Variants in TUBB8B observed in about 807,000 individuals in gnomAD.
TUBB8B encodes HSA18p11 beta-tubulin 4Q pseudogene.
Under a neutral mutation model 31.9 loss-of-function variants are expected in TUBB8B, and 26 were observed. That is an observed-to-expected ratio of 0.81 (90% CI 0.60 to 1.13). The LOEUF is 1.13. Ranked by LOEUF, TUBB8B falls within the 50% of genes most tolerant of loss-of-function variation. The pLI is 0.00. For missense variants in TUBB8B, 467 were observed against 586.7 expected, an observed-to-expected ratio of 0.80 and a Z score of 2.11; for synonymous variants, 173 against 231.0, an observed-to-expected ratio of 0.75 and a Z score of 2.28.
intron 3 of TUBB8B, 123 bp from the exon 4 acceptor site, chr18:48,570 A>C (rs1461498855): frequency 2.5e-6 from 2 of 785,416 alleles, no homozygotes; most frequent in Admixed American, 4.0e-5. Flanking sequence ...CTGCAGGTGG[A>C]GCAAATGAAA....
At chr18:58,743 C>T in the TUBB8B span, among the ~76,000 whole-genome samples, 1 of 151,702 alleles carries the variant, frequency 6.6e-6, no homozygotes, top group Non-Finnish European at 1.5e-5. Context: ...AACAATTTTC[C>T]ACTCCTTTGT....
chr18:63,826 TAACCCC>T, the TUBB8B span, among the ~76,000 whole-genome samples: 1,080 of 130,810 alleles, frequency 8.3e-3, 13 homozygotes, highest in African/African-American at 0.031. Flanking sequence ...ACCCTAACCC[TAACCCC>T]AACCCTTAAC....
At chr18:65,372 C>T in the TUBB8B span, among the ~76,000 whole-genome samples, 1 of 152,006 alleles carries the variant, frequency 6.6e-6, no homozygotes, top group Non-Finnish European at 1.5e-5. Context: ...TTGAGGATTA[C>T]ACAACATGAT....
At chr18:63,795 T>C in the TUBB8B span, among the ~76,000 whole-genome samples, 1 of 139,782 alleles carries the variant, frequency 7.2e-6, no homozygotes, top group Non-Finnish European at 1.5e-5. Context: ...GCCCTAACCG[T>C]TACGCTAACC....
At chr18:55,547 G>A in the TUBB8B span, among the ~76,000 whole-genome samples, 1 of 151,694 alleles carries the variant, frequency 6.6e-6, no homozygotes, top group Non-Finnish European at 1.5e-5. Context: ...TGAAGCAAAG[G>A]GGGAAGAGCC....
In TUBB8B at chr18:47,820, G is replaced by C; in HGVS notation, c.905C>G (p.Ala302Gly). The change falls in exon 4 of 4, where the codon GCC (alanine) becomes GGC (glycine). Residue 302 changes from alanine (A) to glycine (G), a missense_variant. By Grantham distance (60) the Ala-to-Gly change is moderately conservative (BLOSUM62 0). Around this residue, in one of 2 missense-constraint regions of TUBB8B, gnomAD observed 208 missense variants for 206.7 expected, o/e 1.01. Transcript: ENST00000308911. Reference sequence around the variant, plus strand: ...GTAGCAGCCGTGACGGGGGTCACAGGCAGCCATCATGTTCTTAGCATCAAA... The same window carrying C: ...GTAGCAGCCGTGACGGGGGTCACAGCCAGCCATCATGTTCTTAGCATCAAA... ...QMFDAKNMMA[A>G]CDPRHGCYLT... is the part of the protein sequence containing the mutation. The C allele has an allele frequency of 1.2e-6, 2 of 1,611,678 alleles. No individual in the cohort carries two copies. The highest frequency in any genetic ancestry group is 1.3e-5 in the African/African-American group (1 of 75,002).
chr18:67,928 C>T, the TUBB8B span, among the ~76,000 whole-genome samples: 1 of 152,116 alleles, frequency 6.6e-6, no homozygotes, highest in African/African-American at 2.4e-5. Context: ...ATGATGCACA[C>T]AATACAGATA....
chr18:66,469 T>C, the TUBB8B span, among the ~76,000 whole-genome samples: 1 of 152,142 alleles, frequency 6.6e-6, no homozygotes, highest in Non-Finnish European at 1.5e-5. Flanking sequence ...GAGGATCACT[T>C]GAGCCCCGGA....
At chr18:49,654 C>T (rs1009742479), upstream of TUBB8B, 4 of 719,072 alleles carry the variant, frequency 5.6e-6, no homozygotes, top group Middle Eastern at 3.7e-4. Flanking sequence ...AATAGCCCCG[C>T]GTCCACCTCC....
rs751804790 is a variant in TUBB8B at position 48,931 on chromosome 18, G to C, written c.277+9C>G. 6.5e-7 allele frequency: 1 copy of C among 1,550,150 alleles called. No individual in the cohort carries two copies. Among genetic ancestry groups the C allele is most frequent in the Non-Finnish European group, 8.9e-7 (1 of 1,123,006 alleles). The stretch of plus-strand genomic sequence containing the variant: ...AGGAGCCGCACCCCAGTCCTCGCCC[G>C]CAGCTCACCGGAAATGAAGTTGTCT... On this transcript the variant is annotated intron_variant, in intron 3 of 3. Transcript: ENST00000308911.
the TUBB8B span, among the ~76,000 whole-genome samples, chr18:63,696 CCTAACCCTAACCCTAACA>C: frequency 2.4e-3 from 330 of 135,592 alleles, 1 homozygote; most frequent in Non-Finnish European, 3.5e-3. Flanking sequence ...AACCCCTAAC[CCTAACCCTAACCCTAACA>C]CTAACCCTAA....
At chr18:63,635 C>T in the TUBB8B span, among the ~76,000 whole-genome samples, 4 of 151,620 alleles carry the variant, frequency 2.6e-5, no homozygotes, top group Non-Finnish European at 5.9e-5. Flanking sequence ...AGCCCTAACC[C>T]TAACCCCAAA....
chr18:51,347 G>A (rs142950465), upstream of TUBB8B, among the ~76,000 whole-genome samples: 223 of 151,928 alleles, frequency 1.5e-3, no homozygotes, highest in African/African-American at 5.1e-3. Flanking sequence ...TATATCGTGG[G>A]AGGGGCCCAG....
chr18:67,695 G>C, the TUBB8B span, among the ~76,000 whole-genome samples: 1 of 152,136 alleles, frequency 6.6e-6, no homozygotes, highest in Non-Finnish European at 1.5e-5. Context: ...GGGTATGTCT[G>C]TGAAGGTGTT....
At chr18:73,389 TC>T in the TUBB8B span, 1 of 165,206 alleles carries the variant, frequency 6.1e-6, no homozygotes. Context: ...GCCCCAGGTG[TC>T]CCCAGGTGTC....
At chr18:72,196 A>AAAAAAAAAAAAAAAAAAAAACAAC in the TUBB8B span, among the ~76,000 whole-genome samples, 34 of 84,500 alleles carry the variant, frequency 4.0e-4, 1 homozygote, top group African/African-American at 5.9e-4. Flanking sequence ...AAAAAAAAAA[A>AAAAAAAAAAAAAAAAAAAAACAAC]AAAGGAAAAA....
At chr18:69,340 T>C in the TUBB8B span, among the ~76,000 whole-genome samples, 2 of 152,168 alleles carry the variant, frequency 1.3e-5, no homozygotes, top group Non-Finnish European at 2.9e-5. Flanking sequence ...TGTATATACC[T>C]GTAGTCCCAG....
the TUBB8B span, chr18:73,276 T>G: frequency 4.3e-5 from 7 of 163,492 alleles, no homozygotes; most frequent in Non-Finnish European, 7.3e-5. Context: ...CTCGCTCCGC[T>G]GCACTCGCAG....
intron 3 of TUBB8B, 181 bp downstream of exon 3, chr18:48,759 G>A (rs554586862): frequency 3.7e-5 from 26 of 707,832 alleles, no homozygotes; most frequent in South Asian, 3.4e-4. Context: ...TCACCTTGAG[G>A]AGACACCGGG....
Sources: allele counts gnomAD v4.1 joint callset (sites outside exome capture counted in the v4.1 genomes callset), GRCh38; gene constraint gnomAD v4.1.1; regional missense constraint gnomAD v4.1.1; transcripts MANE v1.5; gene names NCBI Gene and HGNC (gene_info 2026-07-23, HGNC 2026-07-21).